The following CHD6 variants were observed in gnomAD, a reference collection of about 807,000 sequenced individuals.
CHD6 encodes the protein ATP-dependent chromatin remodeler CHD6.
CHD6 carries 50 observed loss-of-function variants against 276.9 expected under a neutral mutation model. The ratio of observed to expected loss-of-function variants is 0.18; its 90% CI spans 0.14 to 0.23. The LOEUF is 0.23. Among genes scored for constraint, CHD6 ranks in the 10% least tolerant of loss-of-function variants. The pLI, the probability that CHD6 is intolerant of heterozygous loss-of-function variation, is 1.00. For missense variants in CHD6, 2,564 were observed against 3,365.8 expected, an observed-to-expected ratio of 0.76 and a Z score of 5.89; for synonymous variants, 1,173 against 1,229.3, an observed-to-expected ratio of 0.95 and a Z score of 0.96.
chr20:41,425,390 C>G lies in CHD6; in HGVS notation c.4134G>C (p.Gln1378His). Residue 1378 changes from glutamine to histidine, a missense_variant, in exon 29 of 37, where the codon CAG becomes CAC. By Grantham distance (24) the Gln-to-His change is conservative (BLOSUM62 0). Around this residue, in one of 7 missense-constraint regions of CHD6, gnomAD observed 515 missense variants for 739.5 expected, o/e 0.70. Transcript: ENST00000373233. Reference protein sequence around the residue: ...SEKKDDSRAAQDGSDPDKSPW... With the variant: ...SEKKDDSRAAHDGSDPDKSPW... ...GCGATTTGTCTGGGTCGGAGCCATC[C>G]TGGGCTTCAAACATCAGTGAGGATA... 6.2e-7 allele frequency: 1 copy of G among 1,613,450 alleles called. No homozygotes were observed. The highest frequency in any genetic ancestry group is 8.5e-7 in the Non-Finnish European group (1 of 1,179,788).
intron 1 of CHD6, among the ~76,000 whole-genome samples, chr20:41,604,296 C>T (rs966750936): frequency 2.0e-5 from 3 of 151,960 alleles, no homozygotes; most frequent in Admixed American, 2.0e-4. Context: ...GTTGAAACAA[C>T]AAGAAAGAAT....
Position 41,421,097 on chromosome 20 carries a change from A to T in CHD6, c.5538T>A (p.Asp1846Glu). Residue 1846 changes from aspartate to glutamate, a missense_variant, in exon 31 of 37, where the codon GAT becomes GAA. Asp to Glu is a conservative substitution (Grantham distance 45, BLOSUM62 2). This residue lies in a region of CHD6 where 1,024 missense variants were observed against 1,047.9 expected (regional missense o/e 0.98). Transcript: ENST00000373233. Reference protein sequence around the residue: ...RNLSSDQQLIDLLENKSLESK... With the variant: ...RNLSSDQQLIELLENKSLESK... ...TTTCTAAGCTTTTGTTTTCCAATAA[A>T]TCAATTAATTGCTGATCTGATGACA... The T allele has an allele frequency of 1.9e-6, 3 of 1,614,156 alleles. No individual in the cohort carries two copies.
chr20:41,567,594 T>C (rs1218766358), intron 1 of CHD6, among the ~76,000 whole-genome samples: 1 of 151,920 alleles, frequency 6.6e-6, no homozygotes, highest in Admixed American at 6.6e-5. Context: ...TGGCTTGTGG[T>C]TCAGGTACTG....
At chr20:41,478,373 C>A (rs2043213683) in intron 16 of CHD6, among the ~76,000 whole-genome samples, 1 of 152,110 alleles carries the variant, frequency 6.6e-6, no homozygotes, top group Non-Finnish European at 1.5e-5. Context: ...AATGAATGAA[C>A]AGAAAAACCT....
chr20:41,518,348 C>G (rs1024148034), intron 3 of CHD6, among the ~76,000 whole-genome samples: 1 of 152,212 alleles, frequency 6.6e-6, no homozygotes, highest in African/African-American at 2.4e-5. Flanking sequence ...ACATCATACT[C>G]AAAGCTAAAC....
rs979770437 is a variant in CHD6, at chr20:41,597,679, C to T, written c.-24+20661G>A. ...TCAAGGACCATCATCCCAGGACCAA[C>T]CCCCATCAGAGTAATGTTAAAGAAA... On this transcript the variant is annotated intron_variant, in intron 1 of 36. Coordinates refer to ENST00000373233, the MANE Select transcript of CHD6 (RefSeq NM_032221.5). Among the ~76,000 whole-genome samples the T allele has an allele frequency of 3.4e-4, 51 of 152,208 alleles. 1 individual carries two copies. The highest frequency in any genetic ancestry group is 1.2e-3 in the African/African-American group (50 of 41,528).
Position 41,533,311 on chromosome 20 carries a change from T to A in CHD6, c.293A>T (p.Lys98Ile). ...GGTGVKKKRK[K>I]KEPGDQEGAA... Reference sequence around the variant, plus strand: ...ACCCTCTTGGTCTCCTGGCTCCTTTTTCTTCCGTTTCTTCTTCACTCCAGT... The same window carrying A: ...ACCCTCTTGGTCTCCTGGCTCCTTTATCTTCCGTTTCTTCTTCACTCCAGT... Residue 98 changes from lysine to isoleucine, a missense_variant, in exon 3 of 37, where the codon AAA becomes ATA. By Grantham distance (102) the Lys-to-Ile change is moderately radical. Coordinates refer to ENST00000373233, the MANE Select transcript of CHD6 (RefSeq NM_032221.5). The A allele has an allele frequency of 2.5e-6, 4 of 1,614,138 alleles. No homozygotes were observed. Among genetic ancestry groups the A allele is most frequent in the Non-Finnish European group, 3.4e-6 (4 of 1,180,022 alleles).
intron 17 of CHD6, among the ~76,000 whole-genome samples, chr20:41,463,663 T>C (rs1207881066): frequency 1.3e-5 from 2 of 151,704 alleles, no homozygotes; most frequent in African/African-American, 2.4e-5. Flanking sequence ...GGTCATAAAA[T>C]AAAAAGAAAA....
chr20:41,413,065 A>G (rs927147428), intron 35 of CHD6, among the ~76,000 whole-genome samples: 3 of 152,194 alleles, frequency 2.0e-5, no homozygotes, highest in East Asian at 1.9e-4. Context: ...GGGACAGCGG[A>G]TAAGTTCTGT....
intron 24 of CHD6, 142 bp downstream of exon 24, chr20:41,447,740 T>C (rs1314262574): frequency 2.0e-6 from 1 of 508,578 alleles, no homozygotes; most frequent in Non-Finnish European, 3.5e-6. Flanking sequence ...ACTTGCCTGT[T>C]CTCCCATCTG....
intron 32 of CHD6, among the ~76,000 whole-genome samples, 154 bp from the exon 33 acceptor site, chr20:41,416,948 CAT>C (rs1446242002): frequency 6.6e-6 from 1 of 152,154 alleles, no homozygotes; most frequent in Admixed American, 6.5e-5. Context: ...AAATAAAAAT[CAT>C]AGTCTGGACA....
chr20:41,516,443 A>G (rs1030107830), intron 3 of CHD6, among the ~76,000 whole-genome samples: 1 of 152,064 alleles, frequency 6.6e-6, no homozygotes, highest in Admixed American at 6.6e-5. Context: ...CAGAGTGCTG[A>G]GATTACAGGT....
At chr20:41,571,918 T>C (rs1370354044) in intron 1 of CHD6, among the ~76,000 whole-genome samples, 1 of 152,208 alleles carries the variant, frequency 6.6e-6, no homozygotes, top group Non-Finnish European at 1.5e-5. Flanking sequence ...TACAAATCCA[T>C]ACTCCTTTCA....
intron 27 of CHD6, among the ~76,000 whole-genome samples, chr20:41,429,222 T>C (rs2145522591): frequency 6.6e-6 from 1 of 152,308 alleles, no homozygotes; most frequent in South Asian, 2.1e-4. Flanking sequence ...TGTGTTACTC[T>C]CCCCACATAC....
At chr20:41,463,627 T>G (rs966546254) in intron 17 of CHD6, among the ~76,000 whole-genome samples, 1 of 152,056 alleles carries the variant, frequency 6.6e-6, no homozygotes, top group South Asian at 2.1e-4. Context: ...ACAAAAAAAC[T>G]GGCCAGTACT....
At chr20:41,564,459 C>T (rs563515549) in intron 1 of CHD6, among the ~76,000 whole-genome samples, 19 of 152,222 alleles carry the variant, frequency 1.2e-4, no homozygotes, top group African/African-American at 4.1e-4. Context: ...ATTTATATGA[C>T]ATTCAAGAAA....
intron 1 of CHD6, among the ~76,000 whole-genome samples, chr20:41,569,254 T>C (rs1187687248): frequency 6.6e-6 from 1 of 152,178 alleles, no homozygotes; most frequent in Non-Finnish European, 1.5e-5. Flanking sequence ...CTGCAGGCAA[T>C]AAGCAGAATA....
At chr20:41,612,564 A>C (rs552588810) in intron 1 of CHD6, among the ~76,000 whole-genome samples, 1 of 152,346 alleles carries the variant, frequency 6.6e-6, no homozygotes, top group African/African-American at 2.4e-5. Flanking sequence ...CCAGCAGTGC[A>C]AGAATTTCTA....
chr20:41,407,822 A>G (rs532566012), intron 36 of CHD6, among the ~76,000 whole-genome samples: 4 of 152,216 alleles, frequency 2.6e-5, no homozygotes, highest in Non-Finnish European at 5.9e-5. Context: ...TGAGCAGCAG[A>G]AGAGTGCGAG....
Sources: allele counts gnomAD v4.1 joint callset (sites outside exome capture counted in the v4.1 genomes callset), GRCh38; gene constraint gnomAD v4.1.1; regional missense constraint gnomAD v4.1.1; transcripts MANE v1.5; gene names NCBI Gene and HGNC (gene_info 2026-07-23, HGNC 2026-07-21).